Variants in PCNX3 observed in about 807,000 individuals in gnomAD.
The protein encoded by PCNX3 is pecanex-like protein 3.
In PCNX3, 58 loss-of-function variants were observed where a neutral mutation model predicts 207.2. The observed-to-expected ratio is 0.28, with a 90% CI of 0.23 to 0.35. The LOEUF is 0.35. Ranked by LOEUF, PCNX3 falls within the 10% of genes least tolerant of loss-of-function variation. The pLI is 1.00. For missense variants in PCNX3, 2,410 were observed against 2,774.4 expected (o/e 0.87, Z 2.95); for synonymous variants, 1,337 against 1,183.5 (o/e 1.13, Z -2.66).
intron 27 of PCNX3, among the ~76,000 whole-genome samples, chr11:65,633,290 C>G (rs959446869): frequency 2.6e-5 from 4 of 152,254 alleles, no homozygotes; most frequent in African/African-American, 9.6e-5. Context: ...TTTTGCCCAA[C>G]AGGGCCTTTT....
Position 65,635,479 on chromosome 11 carries a change from G to A in PCNX3, c.5184+31G>A. On this transcript the variant is annotated intron_variant, in intron 31 of 34. Transcript: ENST00000355703. This position sits in a 1 kb window ranked among gnomAD's most constrained non-coding sequence, Gnocchi z 9.9. ...GCCGGCCCCACCTGCCCTAAGCCCTGCCCCAAACCCCCTTGGGCCGGCCCC... is the reference window on the plus strand; with the variant it reads ...GCCGGCCCCACCTGCCCTAAGCCCTACCCCAAACCCCCTTGGGCCGGCCCC... 1 of 1,606,920 alleles carries A rather than the reference G, an allele frequency of 6.2e-7. No individual in the cohort carries two copies. The highest frequency in any genetic ancestry group is 1.3e-5 in the African/African-American group (1 of 74,874).
chr11:65,622,770 A>ATT (rs761301416), intron 11 of PCNX3, among the ~76,000 whole-genome samples: 6 of 140,122 alleles, frequency 4.3e-5, no homozygotes, highest in Non-Finnish European at 9.4e-5. Flanking sequence ...TAATTTTTGT[A>ATT]TTTTTTTTTT....
At position 65,616,931 on chromosome 11, in the gene PCNX3, G is replaced by C. The variant is rs539873686; in HGVS notation, c.261G>C (p.Gln87His). 1.1e-5 allele frequency: 17 copies of C among 1,613,508 alleles called. No individual in the cohort carries two copies. Among genetic ancestry groups the C allele is most frequent in the Admixed American group, 3.3e-5 (2 of 60,024 alleles). The change falls in exon 2 of 35, where the codon CAG (glutamine) becomes CAC (histidine). Residue 87 changes from glutamine (Q) to histidine (H), a missense_variant. Transcript: ENST00000355703. ...ATCGGCTTCATGCCATGTTTGACCA[G>C]GGCGAGATCGTGGAGAAGCGCAGCT... ...VNYRLHAMFDQGEIVEKRSST... is the reference protein window; with the variant it reads ...VNYRLHAMFDHGEIVEKRSST...
Position 65,628,914 on chromosome 11 carries a change from G to A in PCNX3, c.3907G>A (p.Ala1303Thr). The change falls in exon 24 of 35, where the codon GCT becomes ACT. Residue 1303 changes from alanine (A) to threonine (T), a missense_variant. Ala to Thr is a moderately conservative substitution (Grantham distance 58, BLOSUM62 0). Around this residue, in one of 8 missense-constraint regions of PCNX3, gnomAD observed 420 missense variants for 705.3 expected, o/e 0.60. Transcript: ENST00000355703. ...LGSAVFIMSY[A>T]RPLKFWERDY... ...CAGTGCCGTCTTCATCATGTCCTAC[G>A]CTCGGCCCCTCAAGTTCTGGGAGCG... 1 of 1,612,368 alleles carries A rather than the reference G, an allele frequency of 6.2e-7. No individual in the cohort carries two copies. The highest frequency in any genetic ancestry group is 2.2e-5 in the East Asian group (1 of 44,882).
intron 27 of PCNX3, 38 bp downstream of exon 27, chr11:65,630,642 G>A (rs1211954214): frequency 6.3e-7 from 1 of 1,590,740 alleles, no homozygotes; most frequent in South Asian, 1.1e-5. Context: ...CAGGGCCCTT[G>A]CGGGTGAGCG....
chr11:65,624,225 C>T lies in PCNX3; in HGVS notation c.2575C>T (p.Pro859Ser). Reference sequence around the variant, plus strand: ...CAACTGGGTGATCGCGTACAGCCGTCCTGTCTACTTCTGCATCTGCTGTCT... The same window carrying T: ...CAACTGGGTGATCGCGTACAGCCGTTCTGTCTACTTCTGCATCTGCTGTCT... ...GHNWVIAYSR[P>S]VYFCICCLLI... The change falls in exon 14 of 35, where the codon CCT becomes TCT. Residue 859 changes from proline to serine, a missense_variant. Physicochemically the swap from Pro to Ser is moderately conservative, Grantham distance 74. This residue lies in a region of PCNX3 where 177 missense variants were observed against 257.5 expected (regional missense o/e 0.69). Coordinates refer to ENST00000355703, the MANE Select transcript of PCNX3 (RefSeq NM_032223.4). 1 of 1,608,240 alleles carries T rather than the reference C, an allele frequency of 6.2e-7. No individual in the cohort carries two copies. Among genetic ancestry groups the T allele is most frequent in the Non-Finnish European group, 8.5e-7 (1 of 1,177,818 alleles).
In PCNX3 at chr11:65,626,992, C is replaced by T. The variant is rs750891233; in HGVS notation, c.3468C>T (p.Asn1156=). The T allele has an allele frequency of 7.1e-6, 11 of 1,554,190 alleles. No homozygotes were observed. Among genetic ancestry groups the T allele is most frequent in the East Asian group, 2.4e-5 (1 of 41,292 alleles). The change falls in exon 21 of 35, where the codon AAC becomes AAT. Residue 1156 remains asparagine (N), a synonymous_variant. Coordinates refer to ENST00000355703, the MANE Select transcript of PCNX3 (RefSeq NM_032223.4). ...KYLIYPAVVL[N]ALTVDAHTVV... is the part of the protein sequence containing the mutation. Reference sequence around the variant, plus strand: ...TCATCTACCCCGCCGTGGTGCTCAACGCCCTCACGGTGGACGCCCACACAG... The same window carrying T: ...TCATCTACCCCGCCGTGGTGCTCAATGCCCTCACGGTGGACGCCCACACAG...
Position 65,627,527 on chromosome 11 carries a change from G to A in PCNX3, c.3647G>A (p.Arg1216His), listed in dbSNP as rs372127582. The A allele has an allele frequency of 1.6e-4, 256 of 1,613,778 alleles. No homozygotes were observed. Among genetic ancestry groups the A allele is most frequent in the South Asian group, 1.4e-3 (130 of 91,084 alleles). ...TVLLFHFDYP[R>H]LSQGFLLDYF... Reference sequence around the variant, plus strand: ...CTGCTCTTCCACTTTGACTACCCGCGCCTCTCCCAGGGCTTTCTGCTTGAC... The same window carrying A: ...CTGCTCTTCCACTTTGACTACCCGCACCTCTCCCAGGGCTTTCTGCTTGAC... The change falls in exon 22 of 35, where the codon CGC (arginine) becomes CAC (histidine). Residue 1216 changes from arginine (R) to histidine (H), a missense_variant. Physicochemically the swap from Arg to His is conservative, Grantham distance 29 (BLOSUM62 0). Coordinates refer to ENST00000355703, the MANE Select transcript of PCNX3 (RefSeq NM_032223.4).
Position 65,618,027 on chromosome 11 carries a change from G to C in PCNX3, c.665G>C (p.Gly222Ala). 1.2e-6 allele frequency: 2 copies of C among 1,608,400 alleles called. No homozygotes were observed. The highest frequency in any genetic ancestry group is 1.3e-5 in the African/African-American group (1 of 74,960). Reference sequence around the variant, plus strand: ...TCTTCAGAGCCTTCTCCCCTGGCTGGAGATGGAGCGCCCTGGAGTGGGAGC... The same window carrying C: ...TCTTCAGAGCCTTCTCCCCTGGCTGCAGATGGAGCGCCCTGGAGTGGGAGC... ...TDSSEPSPLA[G>A]DGAPWSGSSM... is the part of the protein sequence containing the mutation. Residue 222 changes from glycine (G) to alanine (A), a missense_variant, in exon 6 of 35, where the codon GGA becomes GCA. Physicochemically the swap from Gly to Ala is moderately conservative, Grantham distance 60. Around this residue, in one of 8 missense-constraint regions of PCNX3, gnomAD observed 1,104 missense variants for 970.3 expected, o/e 1.14. Coordinates refer to ENST00000355703, the MANE Select transcript of PCNX3 (RefSeq NM_032223.4).
chr11:65,634,188 C>T lies in PCNX3; in HGVS notation c.4533C>T (p.Ile1511=). The T allele has an allele frequency of 6.2e-7, 1 of 1,613,600 alleles. No homozygotes were observed. Among genetic ancestry groups the T allele is most frequent in the Non-Finnish European group, 8.5e-7 (1 of 1,179,858 alleles). ...KLEVWLSHEG[I]TAALRPVRVP... ...AGGTGTGGCTCAGCCATGAGGGCATCACGGCAGCCCTGAGGCCTGTGCGGG... is the reference window on the plus strand; with the variant it reads ...AGGTGTGGCTCAGCCATGAGGGCATTACGGCAGCCCTGAGGCCTGTGCGGG... Residue 1511 remains isoleucine, a synonymous_variant, in exon 28 of 35, where the codon ATC becomes ATT. Transcript: ENST00000355703.
chr11:65,617,126 T>C, intron 2 of PCNX3, 115 bp downstream of exon 2: 1 of 1,376,836 alleles, frequency 7.3e-7, no homozygotes, highest in Non-Finnish European at 9.9e-7. Flanking sequence ...TTGTGAACAC[T>C]TGTCCTGTGT....
At chr11:65,620,467 G>T in intron 9 of PCNX3, 38 bp downstream of exon 9, 2 of 1,600,918 alleles carry the variant, frequency 1.2e-6, no homozygotes. Flanking sequence ...CCATTGTCTT[G>T]GTGGCCTGCA....
chr11:65,637,201 G>C lies in PCNX3; in HGVS notation c.*223G>C, dbSNP rs962662958. ...GGCCTGGGCTCCCCAGATGGAGGCA[G>C]TCAGCCTCCCAGCCAGGCCCTAAGA... On this transcript the variant is annotated 3_prime_UTR_variant, in exon 35 of 35. Transcript: ENST00000355703. 2 of 578,536 alleles carry C rather than the reference G, an allele frequency of 3.5e-6. No individual in the cohort carries two copies. The highest frequency in any genetic ancestry group is 3.0e-6 in the Non-Finnish European group (1 of 328,210). The allele number at this position is 578,536 out of a possible 1,614,324, so 35.8% of individuals were successfully genotyped here.
rs767450421 is a variant in PCNX3, at chr11:65,625,157, G to T, written c.2920-14G>T. ...TACCTCACCTCCCCTGACCAGCATG[G>T]ATTCTCTCCGCAGACTCCGTGGCCA... On this transcript the variant is annotated splice_polypyrimidine_tract_variant and intron_variant, in intron 16 of 34. Transcript: ENST00000355703. This position sits in a 1 kb window ranked among gnomAD's most constrained non-coding sequence, Gnocchi z 5.6. 3.8e-6 allele frequency: 6 copies of T among 1,594,592 alleles called. No individual in the cohort carries two copies. In the Admixed American group the frequency reaches 8.4e-5, roughly 22 times the overall value.
chr11:65,632,970 C>G (rs1165603753), intron 27 of PCNX3, among the ~76,000 whole-genome samples: 1 of 151,996 alleles, frequency 6.6e-6, no homozygotes, highest in Non-Finnish European at 1.5e-5. Flanking sequence ...GTCTTGAACT[C>G]CTGGGTTCAA....
chr11:65,625,665 A>T lies in PCNX3; in HGVS notation c.3149A>T (p.His1050Leu). The T allele has an allele frequency of 6.2e-7, 1 of 1,612,706 alleles. No individual in the cohort carries two copies. The highest frequency in any genetic ancestry group is 8.5e-7 in the Non-Finnish European group (1 of 1,179,698). ...KMRQSVREVL[H>L]SDLVMCVVIA... ...CTGGCCCTGCAGCGTGAGGTCTTGC[A>T]CTCCGACCTGGTGATGTGTGTGGTG... The change falls in exon 19 of 35, where the codon CAC (histidine) becomes CTC (leucine). Residue 1050 changes from histidine to leucine, a missense_variant. His to Leu is a moderately conservative substitution (Grantham distance 99). Around this residue, in one of 8 missense-constraint regions of PCNX3, gnomAD observed 333 missense variants for 386.8 expected, o/e 0.86. Transcript: ENST00000355703. The surrounding 1 kb of genome is among the most constrained non-coding windows in gnomAD (Gnocchi z 5.6).
chr11:65,628,510 C>A, intron 22 of PCNX3, 85 bp from the exon 23 acceptor site: 1 of 1,335,428 alleles, frequency 7.5e-7, no homozygotes, highest in South Asian at 1.2e-5. Flanking sequence ...TGCGATGACC[C>A]AAGCCTCTGA....
rs552283056 is a variant in PCNX3 at position 65,623,726 on chromosome 11, A to G, written c.2511+82A>G. The G allele has an allele frequency of 3.4e-5, 53 of 1,558,530 alleles. No individual in the cohort carries two copies. The East Asian group carries it at 1.1e-3, about 31-fold the overall frequency. ...TCCCACAACTCCAGTTTTAAGGAGT[A>G]TAAGCTGAAAGGTAGATAATTTGTC... On this transcript the variant is annotated intron_variant, in intron 12 of 34. Transcript: ENST00000355703.
chr11:65,630,737 T>TA, intron 27 of PCNX3, 133 bp downstream of exon 27: 3 of 1,318,092 alleles, frequency 2.3e-6, no homozygotes, highest in Non-Finnish European at 3.1e-6. Context: ...TCAGAGAGTT[T>TA]AAGTGTCCCC....
Sources: gnomAD v4.1 joint callset for allele counts (sites outside exome capture counted in the v4.1 genomes callset) on GRCh38, gnomAD v4.1.1 for gene constraint, gnomAD v4.1.1 regional missense constraint, Gnocchi (gnomAD v3.1) non-coding constraint, MANE v1.5 for transcripts, NCBI Gene and HGNC (gene_info 2026-07-23, HGNC 2026-07-21) for gene names.